Variants in AFF2 observed in about 807,000 individuals in gnomAD.
AFF2 encodes ALF transcription elongation factor 2, also known as AF4/FMR2 family member 2.
In AFF2, 14 loss-of-function variants were observed where a neutral mutation model predicts 76.9. That is an observed-to-expected ratio of 0.18 (90% CI 0.12 to 0.28). The LOEUF is 0.28. Among genes scored for constraint, AFF2 ranks in the 10% least tolerant of loss-of-function variants. The pLI is 1.00. For synonymous variants in AFF2, 398 were observed against 366.7 expected, an observed-to-expected ratio of 1.09 and a Z score of -0.98; for missense variants, 868 against 1,001.1, an observed-to-expected ratio of 0.87 and a Z score of 1.79.
chrX:148,792,677 CT>C (rs1557270046), intron 3 of AFF2, among the ~76,000 whole-genome samples: 1 of 111,941 alleles, frequency 8.9e-6, no homozygotes, highest in African/African-American at 3.3e-5. Context: ...AAAGTGTTTT[CT>C]CTAGGATGGA....
At chrX:148,763,981 T>C (rs1263205821) in intron 3 of AFF2, among the ~76,000 whole-genome samples, 3 of 112,380 alleles carry the variant, frequency 2.7e-5, no homozygotes, top group Non-Finnish European at 5.6e-5. Context: ...CATGCTTTAA[T>C]ATTCAAATAA....
intron 7 of AFF2, among the ~76,000 whole-genome samples, chrX:148,845,504 G>T (rs1482163356): frequency 6.2e-5 from 7 of 112,468 alleles, no homozygotes; most frequent in Non-Finnish European, 1.3e-4. Context: ...TTGTCTGTTT[G>T]ATCTAAAGTC....
rs151339705 is a variant in AFF2 at position 148,985,285 on chromosome X, C to CTTTTTTTTTTTTTT, written c.3624-2061_3624-2048dup. On this transcript the variant is annotated intron_variant, in intron 19 of 20. Transcript: ENST00000370460. ...ACAGGCATGAGCCCCTGTGCCTGGC[C>CTTTTTTTTTTTTTT]TTTTTTTTTTTTTTTTTTTTTTTTT... is the stretch of plus-strand genomic sequence containing the variant. 1.4e-3 allele frequency among the ~76,000 whole-genome samples: 21 copies of CTTTTTTTTTTTTTT among 15,385 alleles called. 8 individuals are homozygous for CTTTTTTTTTTTTTT. Among genetic ancestry groups the CTTTTTTTTTTTTTT allele is most frequent in the Non-Finnish European group, 1.7e-3 (14 of 8,459 alleles). The allele number at this position is 15,385 out of a possible 115,157, so 13.4% of individuals were successfully genotyped here.
intron 3 of AFF2, among the ~76,000 whole-genome samples, chrX:148,735,402 CTT>C (rs1251959666): frequency 6.3e-5 from 7 of 111,760 alleles, no homozygotes; most frequent in Admixed American, 4.8e-4. Context: ...TGTTGGAACA[CTT>C]GGGCTAAAAT....
At chrX:148,845,927 T>G (rs1389312744) in intron 7 of AFF2, among the ~76,000 whole-genome samples, 2 of 112,003 alleles carry the variant, frequency 1.8e-5, no homozygotes, top group African/African-American at 6.5e-5. Flanking sequence ...CTTCATTACT[T>G]TTCCTCATCT....
chrX:148,902,457 G>A (rs1262298401), intron 8 of AFF2, among the ~76,000 whole-genome samples: 1 of 111,795 alleles, frequency 8.9e-6, no homozygotes, highest in Non-Finnish European at 1.9e-5. Context: ...AGCCAGGCTT[G>A]GGAGAGAAAA....
chrX:148,648,596 A>G (rs1235457295), intron 1 of AFF2, among the ~76,000 whole-genome samples: 1 of 108,570 alleles, frequency 9.2e-6, no homozygotes, highest in Non-Finnish European at 1.9e-5. Flanking sequence ...GAAAAGAAAA[A>G]AAATCCTATG....
At chrX:148,989,122 G>T (rs1377285672) in intron 20 of AFF2, among the ~76,000 whole-genome samples, 2 of 112,248 alleles carry the variant, frequency 1.8e-5, no homozygotes, top group Non-Finnish European at 3.8e-5. Context: ...GAAACTCAGA[G>T]ACAACTGGCC....
chrX:148,788,457 C>T (rs1850111985), intron 3 of AFF2, among the ~76,000 whole-genome samples: 1 of 111,794 alleles, frequency 8.9e-6, no homozygotes. Context: ...TCAGAGGGTC[C>T]ATCGCTATTT....
rs140909536 is a variant in AFF2 at position 148,878,282 on chromosome X, C to T, written c.1263-7607C>T. 2.5e-3 allele frequency among the ~76,000 whole-genome samples: 284 copies of T among 111,816 alleles called. 2 individuals are homozygous for T. Among genetic ancestry groups the T allele is most frequent in the Non-Finnish European group, 2.8e-3 (148 of 53,131 alleles). ...GAATTCCTGATTTAAATTCAGTGTT[C>T]TTAGACAACCTTGAATGTTAGGATC... On this transcript the variant is annotated intron_variant, in intron 7 of 20. Coordinates refer to ENST00000370460, the MANE Select transcript of AFF2 (RefSeq NM_002025.4).
intron 1 of AFF2, among the ~76,000 whole-genome samples, chrX:148,630,056 G>A (rs189208561): frequency 1.7e-3 from 194 of 111,816 alleles, no homozygotes; most frequent in Non-Finnish European, 2.9e-3. Context: ...CCTTGAAGCT[G>A]ATACATTCCA....
chrX:148,752,510 T>A (rs2055514193), intron 3 of AFF2, among the ~76,000 whole-genome samples: 1 of 111,899 alleles, frequency 8.9e-6, no homozygotes, highest in Admixed American at 9.5e-5. Context: ...CTGAATAGCA[T>A]CCCAATTTTT....
At chrX:148,705,944 T>G (rs1278350843) in intron 3 of AFF2, among the ~76,000 whole-genome samples, 8 of 111,743 alleles carry the variant, frequency 7.2e-5, no homozygotes, top group Non-Finnish European at 1.3e-4. Context: ...TTCACAGAAT[T>G]AGGAGATCCT....
chrX:148,762,988 C>CT lies in AFF2; in HGVS notation c.1042-46883dup, dbSNP rs782506717. Among the ~76,000 whole-genome samples the CT allele has an allele frequency of 1.7e-4, 19 of 112,358 alleles. No individual in the cohort carries two copies. In the South Asian group the frequency reaches 7.0e-3, roughly 41 times the overall value. Reference sequence around the variant, plus strand: ...GATCTTACAGCCCAGGCTGACGACACTTTTTCTGAATAGCTAACTTCTAGA... The same window carrying CT: ...GATCTTACAGCCCAGGCTGACGACACTTTTTTCTGAATAGCTAACTTCTAGA... On this transcript the variant is annotated intron_variant, in intron 3 of 20. Coordinates refer to ENST00000370460, the MANE Select transcript of AFF2 (RefSeq NM_002025.4).
At chrX:148,976,858 G>T (rs2072331789) in intron 16 of AFF2, among the ~76,000 whole-genome samples, 1 of 112,591 alleles carries the variant, frequency 8.9e-6, no homozygotes, top group African/African-American at 3.2e-5. Flanking sequence ...TTGCAACAAA[G>T]GAAGGGACCC....
intron 4 of AFF2, among the ~76,000 whole-genome samples, chrX:148,832,046 G>A (rs782795209): frequency 2.6e-4 from 29 of 112,242 alleles, no homozygotes; most frequent in African/African-American, 8.1e-4. Context: ...TTTTGGTGAC[G>A]GAAAGATGCT....
At chrX:148,943,168 T>G (rs1337542138) in intron 9 of AFF2, among the ~76,000 whole-genome samples, 1 of 112,392 alleles carries the variant, frequency 8.9e-6, no homozygotes, top group East Asian at 2.8e-4. Context: ...ACAGCAATTT[T>G]GCAAGTTACA....
Position 148,975,747 on chromosome X carries a change from A to C in AFF2, c.3404+2140A>C, listed in dbSNP as rs998633302. Among the ~76,000 whole-genome samples the C allele has an allele frequency of 7.6e-5, 8 of 105,507 alleles. No homozygotes were observed. The Admixed American group carries it at 8.3e-4, about 11-fold the overall frequency. The allele number at this position is 105,507 out of a possible 115,157, so 91.6% of individuals were successfully genotyped here. A position where few individuals can be genotyped will look rare whatever the true frequency, so the allele number is the denominator to read the frequency against. ...ATCACGAGGTCAGGAGATCGAGACC[A>C]TCCCAGCTAAAACGGTGAAACCCCG... is the stretch of plus-strand genomic sequence containing the variant. On this transcript the variant is annotated intron_variant, in intron 16 of 20. Transcript: ENST00000370460.
At chrX:148,926,686 C>A (rs2071654433) in intron 9 of AFF2, among the ~76,000 whole-genome samples, 1 of 112,155 alleles carries the variant, frequency 8.9e-6, no homozygotes. Flanking sequence ...CTGGTGTTCA[C>A]AGCAATCCAC....
Sources: allele counts gnomAD v4.1 joint callset (sites outside exome capture counted in the v4.1 genomes callset), GRCh38; gene constraint gnomAD v4.1.1; transcripts MANE v1.5; gene names NCBI Gene and HGNC (gene_info 2026-07-23, HGNC 2026-07-21).